Variants in MFN2 observed in about 807,000 individuals in gnomAD.
MFN2 encodes the protein mitofusin 2, also known as mitofusin-2.
In MFN2, 43 loss-of-function variants were observed where a neutral mutation model predicts 87.5. The observed-to-expected ratio is 0.49, with a 90% CI of 0.38 to 0.63. The LOEUF (loss-of-function observed/expected upper bound fraction) is 0.63. MFN2 is among the 30% of genes least tolerant of loss of function. The pLI is 0.00. For missense variants in MFN2, 743 were observed against 972.8 expected (o/e 0.76, Z 3.14); for synonymous variants, 337 against 359.9 (o/e 0.94, Z 0.72).
chr1:11,990,811 A>G (rs1638642768), intron 3 of MFN2, among the ~76,000 whole-genome samples: 1 of 152,232 alleles, frequency 6.6e-6, no homozygotes, highest in African/African-American at 2.4e-5. Flanking sequence ...GGCCATGCCC[A>G]GGTGCCCATA....
chr1:11,999,195 GAATT>G, intron 8 of MFN2, 100 bp downstream of exon 8: 9 of 962,306 alleles, frequency 9.4e-6, no homozygotes, highest in Non-Finnish European at 1.5e-5. Flanking sequence ...TGACTTCCCT[GAATT>G]AATTTTATTG....
intron 2 of MFN2, among the ~76,000 whole-genome samples, chr1:11,985,493 A>T (rs1638361650): frequency 8.4e-6 from 1 of 119,556 alleles, no homozygotes; most frequent in Non-Finnish European, 1.6e-5. Flanking sequence ...AAAGAGAGAG[A>T]CTTCGCTCTG....
chr1:11,980,627 G>A (rs1170683952), intron 1 of MFN2, 143 bp downstream of exon 1: 3 of 395,876 alleles, frequency 7.6e-6, no homozygotes, highest in South Asian at 2.9e-4. Flanking sequence ...CTCCGGCCTC[G>A]CCGCCGGGCC....
chr1:12,009,540 G>T (rs2100867732), intron 17 of MFN2, 52 bp from the exon 18 acceptor site: 1 of 1,613,678 alleles, frequency 6.2e-7, no homozygotes, highest in East Asian at 2.2e-5. Context: ...TAAGCCACCA[G>T]TGGCATCTTG....
Position 12,003,870 on chromosome 1 carries a change from C to A in MFN2, c.1161-122C>A. On this transcript the variant is annotated intron_variant, in intron 11 of 18. Transcript: ENST00000235329. This position sits in a 1 kb window ranked among gnomAD's most constrained non-coding sequence, Gnocchi z 4.1. The stretch of plus-strand genomic sequence containing the variant: ...AAGGGGAAGGCCATGCCCCTGGGTG[C>A]GTGTGTGCAGCCCTGCCAGGCAAGA... The A allele has an allele frequency of 7.7e-7, 1 of 1,291,032 alleles. No individual in the cohort carries two copies. The highest frequency in any genetic ancestry group is 1.1e-6 in the Non-Finnish European group (1 of 893,896). The allele number at this position is 1,291,032 out of a possible 1,614,324, so 80.0% of individuals were successfully genotyped here.
chr1:11,984,316 G>A (rs556281239), intron 2 of MFN2, among the ~76,000 whole-genome samples: 1 of 152,294 alleles, frequency 6.6e-6, no homozygotes, highest in Admixed American at 6.5e-5. Flanking sequence ...GGTGTGTGTG[G>A]TGTGAGTTGG....
At position 12,011,548 on chromosome 1, in the gene MFN2, C is replaced by CT. The variant is rs773371488; in HGVS notation, c.2258dup (p.Gln754AlafsTer9). On this transcript the variant is annotated frameshift_variant, in exon 19 of 19. Coordinates refer to ENST00000235329, the MANE Select transcript of MFN2 (RefSeq NM_014874.4). LOFTEE classifies it high-confidence loss of function. ...GCTCAACATGTTCACACACCAGTAC[C>CT]TGCAGCCCAGCAGATAGTGGGCACC... 32 of 1,614,022 alleles carry CT rather than the reference C, an allele frequency of 2.0e-5. No homozygotes were observed. The Middle Eastern group carries it at 9.9e-4, about 50-fold the overall frequency.
At chr1:11,989,088 A>G in intron 2 of MFN2, 77 bp from the exon 3 acceptor site, 2 of 1,508,454 alleles carry the variant, frequency 1.3e-6, no homozygotes, top group Non-Finnish European at 9.2e-7. Flanking sequence ...ATTCTCCCCA[A>G]AGCATTCCGC....
In MFN2 at chr1:12,011,630, C is replaced by A; in HGVS notation, c.*65C>A. On this transcript the variant is annotated 3_prime_UTR_variant, in exon 19 of 19. Transcript: ENST00000235329. ...CTGCCAGCCCTAAGTGCCATGTGGG[C>A]TCCCCCAGGGGCACGTGTGGCTCCT... 6.4e-7 allele frequency: 1 copy of A among 1,558,156 alleles called. No individual in the cohort carries two copies. Among genetic ancestry groups the A allele is most frequent in the Non-Finnish European group, 8.8e-7 (1 of 1,131,614 alleles).
intron 11 of MFN2, 54 bp downstream of exon 11, chr1:12,002,157 C>G: frequency 6.2e-7 from 1 of 1,613,156 alleles, no homozygotes; most frequent in Non-Finnish European, 8.5e-7. Flanking sequence ...CAAGGGTGCT[C>G]CACCCCTGCC....
At chr1:12,001,035 T>C (rs1023368151) in intron 8 of MFN2, among the ~76,000 whole-genome samples, 5 of 152,272 alleles carry the variant, frequency 3.3e-5, no homozygotes, top group African/African-American at 4.8e-5. Flanking sequence ...TATTCTTTTT[T>C]TTCCCTCACT....
At chr1:11,994,571 C>T (rs1170676275) in intron 4 of MFN2, among the ~76,000 whole-genome samples, 3 of 151,154 alleles carry the variant, frequency 2.0e-5, no homozygotes, top group Admixed American at 6.6e-5. Context: ...GCCTAGGTGA[C>T]GGAGTGAGAC....
chr1:12,007,643 G>A (rs1462444681), intron 17 of MFN2, among the ~76,000 whole-genome samples: 1 of 152,134 alleles, frequency 6.6e-6, no homozygotes, highest in East Asian at 1.9e-4. Context: ...GGGGTGGTGG[G>A]GATGAATATC....
chr1:12,003,604 C>CA lies in MFN2; in HGVS notation c.1161-387dup. 6.7e-6 allele frequency among the ~76,000 whole-genome samples: 1 copy of CA among 150,178 alleles called. No homozygotes were observed. The highest frequency in any genetic ancestry group is 2.0e-4 in the East Asian group (1 of 5,094). On this transcript the variant is annotated intron_variant, in intron 11 of 18. Coordinates refer to ENST00000235329, the MANE Select transcript of MFN2 (RefSeq NM_014874.4). The surrounding 1 kb of genome is among the most constrained non-coding windows in gnomAD (Gnocchi z 4.1). ...GCTTGAACCCAGGAAGTGGAGGTTG[C>CA]AGTGAGTGGAGATCGTGCCATTGCA...
At chr1:11,985,564 T>C (rs1638365908) in intron 2 of MFN2, among the ~76,000 whole-genome samples, 1 of 151,116 alleles carries the variant, frequency 6.6e-6, no homozygotes, top group African/African-American at 2.4e-5. Flanking sequence ...CCTCCCAGGT[T>C]CAAGTGATTC....
At chr1:11,991,740 C>T (rs902719459) in intron 3 of MFN2, among the ~76,000 whole-genome samples, 10 of 151,388 alleles carry the variant, frequency 6.6e-5, no homozygotes, top group Admixed American at 1.3e-4. Context: ...CCGGCTAAAA[C>T]GGTGAAACCC....
intron 8 of MFN2, 117 bp downstream of exon 8, chr1:11,999,212 A>G: frequency 2.3e-6 from 2 of 861,686 alleles, no homozygotes; most frequent in Admixed American, 3.8e-5. Flanking sequence ...TTTTATTGCC[A>G]AAGAATTCTC....
chr1:11,984,954 C>T (rs1322314018), intron 2 of MFN2, among the ~76,000 whole-genome samples: 3 of 152,214 alleles, frequency 2.0e-5, no homozygotes, highest in Admixed American at 1.3e-4. Context: ...TAGGCTGCTC[C>T]ATCAAATTAA....
intron 11 of MFN2, among the ~76,000 whole-genome samples, 200 bp downstream of exon 11, chr1:12,002,303 C>T (rs934145561): frequency 2.0e-5 from 3 of 152,378 alleles, no homozygotes; most frequent in African/African-American, 4.8e-5. Context: ...CTTCATCACC[C>T]CACCTGGTCT....
Sources: gnomAD v4.1 joint callset for allele counts (sites outside exome capture counted in the v4.1 genomes callset) on GRCh38, gnomAD v4.1.1 for gene constraint, Gnocchi (gnomAD v3.1) non-coding constraint, MANE v1.5 for transcripts, NCBI Gene and HGNC (gene_info 2026-07-23, HGNC 2026-07-21) for gene names.